The following RNASEL variants were observed in gnomAD, a reference collection of about 807,000 sequenced individuals.
The protein encoded by RNASEL is ribonuclease L.
Under a neutral mutation model 50.9 loss-of-function variants are expected in RNASEL, and 36 were observed. The observed-to-expected ratio is 0.71, with a 90% CI of 0.54 to 0.93. The LOEUF (loss-of-function observed/expected upper bound fraction) is 0.93, where lower values mean the gene tolerates loss of function less well. Ranked by LOEUF, RNASEL falls within the 40% of genes least tolerant of loss-of-function variation. The probability of loss-of-function intolerance (pLI) is 0.00; values close to 1 mark genes in which losing one functional copy is unlikely to be tolerated. For missense variants in RNASEL, 860 were observed against 894.5 expected (o/e 0.96, Z 0.49); for synonymous variants, 335 against 335.6 (o/e 1.00, Z 0.02).
chr1:182,582,276 A>G lies in RNASEL; in HGVS notation c.1567-18T>C. The G allele has an allele frequency of 1.2e-6, 2 of 1,614,002 alleles. No individual in the cohort carries two copies. The highest frequency in any genetic ancestry group is 2.2e-5 in the South Asian group (2 of 91,066). On this transcript the variant is annotated intron_variant, in intron 3 of 6. Transcript: ENST00000367559. ...CCAAGGTCCTGCACAAAAGCCATAA[A>G]TCAAGCCAAAGATGCTTACTAATTA...
At position 182,575,275 on chromosome 1, in the gene RNASEL, A is replaced by G; in HGVS notation, c.*117T>C. The G allele has an allele frequency of 1.1e-6, 1 of 945,338 alleles. No individual in the cohort carries two copies. The highest frequency in any genetic ancestry group is 1.7e-6 in the Non-Finnish European group (1 of 575,440). 58.6% of individuals were successfully genotyped at this position (945,338 alleles called of 1,614,324 possible). ...ACACGATGCCAGGGACTGACATATC[A>G]GCTATGCAACTCATCCCTCACAAGC... On this transcript the variant is annotated 3_prime_UTR_variant, in exon 7 of 7. Transcript: ENST00000367559.
rs146640810 is a variant in RNASEL at position 182,582,851 on chromosome 1, C to T, written c.1567-593G>A. On this transcript the variant is annotated intron_variant, in intron 3 of 6. Transcript: ENST00000367559. The stretch of plus-strand genomic sequence containing the variant: ...AGTCTCACCCACTGGGTTGAAAGTG[C>T]AGCACCCTGTAAAACTCTCCAGGAA... Among the ~76,000 whole-genome samples the T allele has an allele frequency of 4.3e-3, 649 of 152,306 alleles. 3 individuals carry two copies. The highest frequency in any genetic ancestry group is 6.8e-3 in the Middle Eastern group (2 of 294).
chr1:182,586,588 G>A lies in RNASEL; in HGVS notation c.219C>T (p.Asp73=), dbSNP rs1661603584. The A allele has an allele frequency of 6.2e-7, 1 of 1,605,430 alleles. No homozygotes were observed. Among genetic ancestry groups the A allele is most frequent in the South Asian group, 1.1e-5 (1 of 90,526 alleles). Residue 73 remains aspartate (D), a synonymous_variant, in exon 2 of 7, where the codon GAC becomes GAT. Transcript: ENST00000367559. ...CATGACGAAGCAGAAGTTCCACAAT[G>A]TCCTCCCTGCTCATTTGTACTGCGT... The part of the protein sequence containing the change: ...LHNAVQMSRE[D]IVELLLRHGA...
At chr1:182,584,203 C>T (rs375582220) in intron 2 of RNASEL, 37 bp from the exon 3 acceptor site, 3 of 1,317,692 alleles carry the variant, frequency 2.3e-6, no homozygotes, top group Non-Finnish European at 3.3e-6. Context: ...TGAAAATACT[C>T]ATTCTCCATA....
At chr1:182,583,981 CAT>C in intron 3 of RNASEL, 98 bp downstream of exon 3, 1 of 851,098 alleles carries the variant, frequency 1.2e-6, no homozygotes, top group East Asian at 2.4e-5. Flanking sequence ...TTCATATATA[CAT>C]ATGTCCTACT....
Position 182,585,814 on chromosome 1 carries a change from A to G in RNASEL, c.993T>C (p.Pro331=). 1 of 1,614,006 alleles carries G rather than the reference A, an allele frequency of 6.2e-7. No homozygotes were observed. Among genetic ancestry groups the G allele is most frequent in the Non-Finnish European group, 8.5e-7 (1 of 1,179,978 alleles). ...TCTGAGGCTTCCAGTCTTCAGCAGGAGGGTGAAAATCTTCTTTGGCTCCAT... is the reference window on the plus strand; with the variant it reads ...TCTGAGGCTTCCAGTCTTCAGCAGGGGGGTGAAAATCTTCTTTGGCTCCAT... ...LSHGAKEDFH[P]PAEDWKPQSS... is the part of the protein sequence containing the mutation. Residue 331 remains proline (P), a synonymous_variant, in exon 2 of 7, where the codon CCT becomes CCC. Coordinates refer to ENST00000367559, the MANE Select transcript of RNASEL (RefSeq NM_021133.4).
intron 5 of RNASEL, chr1:182,579,968 TAG>T: frequency 2.2e-6 from 1 of 457,082 alleles, no homozygotes; most frequent in Non-Finnish European, 4.4e-6. Flanking sequence ...TGGTTCTGTG[TAG>T]TTGGAAAAAT....
rs777957260 is a variant in RNASEL at position 182,586,793 on chromosome 1, T to C, written c.14A>G (p.Asp5Gly). 2 of 1,614,100 alleles carry C rather than the reference T, an allele frequency of 1.2e-6. No homozygotes were observed. The highest frequency in any genetic ancestry group is 8.5e-7 in the Non-Finnish European group (1 of 1,180,056). The change falls in exon 2 of 7, where the codon GAT becomes GGT. Residue 5 changes from aspartate to glycine, a missense_variant. By Grantham distance (94) the Asp-to-Gly change is moderately conservative (BLOSUM62 -1). Transcript: ENST00000367559. ...GGGTCCCTCCTGGGGGTTGTTATGA[T>C]CCCTGCTCTCCATGACGGTAAATGC... Reference protein sequence around the residue: MESRDHNNPQEGPTS... With the variant: MESRGHNNPQEGPTS...
chr1:182,575,481 T>C lies in RNASEL; in HGVS notation c.2137A>G (p.Arg713Gly), dbSNP rs751200163. The part of the protein sequence containing the change: ...VYTKLQNTEY[R>G]KHFPQTHSPN... ...CTGTGGGTTTGGGGGAAATGCTTTC[T>C]ATATTCTGTGTTCTGTAGTTTTGTG... Residue 713 changes from arginine to glycine, a missense_variant, in exon 7 of 7, where the codon AGA becomes GGA. By Grantham distance (125) the Arg-to-Gly change is moderately radical. Coordinates refer to ENST00000367559, the MANE Select transcript of RNASEL (RefSeq NM_021133.4). 6.2e-7 allele frequency: 1 copy of C among 1,614,128 alleles called. No individual in the cohort carries two copies. Among genetic ancestry groups the C allele is most frequent in the Admixed American group, 1.7e-5 (1 of 60,008 alleles).
rs568505094 is a variant in RNASEL, at chr1:182,581,221, A to G, written c.1905+4T>C. The G allele has an allele frequency of 8.5e-5, 138 of 1,614,148 alleles. No individual in the cohort carries two copies. The South Asian group carries it at 1.4e-3, about 16-fold the overall frequency. On this transcript the variant is annotated splice_donor_region_variant and intron_variant, in intron 5 of 6. Coordinates refer to ENST00000367559, the MANE Select transcript of RNASEL (RefSeq NM_021133.4). Reference sequence around the variant, plus strand: ...AACCCCTGCACTATAGGAATTGTTCATACCTTAGTCGTCCACTTGTCAAAA... The same window carrying G: ...AACCCCTGCACTATAGGAATTGTTCGTACCTTAGTCGTCCACTTGTCAAAA...
chr1:182,582,575 T>C (rs1324693859), intron 3 of RNASEL, among the ~76,000 whole-genome samples: 2 of 152,092 alleles, frequency 1.3e-5, no homozygotes, highest in East Asian at 1.9e-4. Flanking sequence ...AAAGGGAGAA[T>C]GCTTTAAACA....
At chr1:182,583,938 C>A (rs543572462) in intron 3 of RNASEL, 143 bp downstream of exon 3, 100 of 699,046 alleles carry the variant, frequency 1.4e-4, no homozygotes, top group Middle Eastern at 3.2e-4. Flanking sequence ...TATGTTGTGA[C>A]CGTGTGAGTC....
rs774995891 is a variant in RNASEL at position 182,586,211 on chromosome 1, T to C, written c.596A>G (p.Asp199Gly). 6.2e-7 allele frequency: 1 copy of C among 1,614,084 alleles called. No individual in the cohort carries two copies. Among genetic ancestry groups the C allele is most frequent in the Non-Finnish European group, 8.5e-7 (1 of 1,180,044 alleles). ...GATCAAGGCATTTCTGCCCATATTG[T>C]CACAGGCGTTTACATCTGCCCCCAT... ...DEMGADVNAC[D>G]NMGRNALIHA... The change falls in exon 2 of 7, where the codon GAC becomes GGC. Residue 199 changes from aspartate to glycine, a missense_variant. By Grantham distance (94) the Asp-to-Gly change is moderately conservative. Coordinates refer to ENST00000367559, the MANE Select transcript of RNASEL (RefSeq NM_021133.4).
rs1254785780 is a variant in RNASEL, at chr1:182,585,999, C to T, written c.808G>A (p.Asp270Asn). The T allele has an allele frequency of 6.2e-7, 1 of 1,614,006 alleles. No homozygotes were observed. The highest frequency in any genetic ancestry group is 2.2e-5 in the East Asian group (1 of 44,892). ...EQEHIEINDTDSDGKTALLLA... is the reference protein window; with the variant it reads ...EQEHIEINDTNSDGKTALLLA... Reference sequence around the variant, plus strand: ...AGCAGTGCTGTTTTGCCATCACTGTCTGTGTCATTAATCTCTATGTGCTCT... The same window carrying T: ...AGCAGTGCTGTTTTGCCATCACTGTTTGTGTCATTAATCTCTATGTGCTCT... The change falls in exon 2 of 7, where the codon GAC becomes AAC. Residue 270 changes from aspartate (D) to asparagine (N), a missense_variant. Physicochemically the swap from Asp to Asn is conservative, Grantham distance 23 (BLOSUM62 1). Transcript: ENST00000367559.
At chr1:182,582,920 C>T (rs1302921239) in intron 3 of RNASEL, among the ~76,000 whole-genome samples, 2 of 152,176 alleles carry the variant, frequency 1.3e-5, no homozygotes, top group African/African-American at 2.4e-5. Flanking sequence ...GGGCTTTGGT[C>T]TACAGCGGCC....
intron 5 of RNASEL, chr1:182,579,143 A>G (rs567471316): frequency 8.4e-5 from 50 of 595,212 alleles, no homozygotes; most frequent in Admixed American, 1.3e-4. Context: ...TATTCAGGTA[A>G]TGGTTACACT....
chr1:182,579,940 TC>T (rs1661458243), intron 5 of RNASEL: 2 of 458,970 alleles, frequency 4.4e-6, no homozygotes, highest in African/African-American at 4.0e-5. Context: ...CAGCTTCAAA[TC>T]CTGGTGCACC....
intron 5 of RNASEL, chr1:182,580,106 G>GAT: frequency 2.7e-6 from 1 of 375,524 alleles, no homozygotes; most frequent in Non-Finnish European, 5.3e-6. Flanking sequence ...TAATCATAAT[G>GAT]ATACTACGTA....
Position 182,585,923 on chromosome 1 carries a change from C to T in RNASEL, c.884G>A (p.Arg295His), listed in dbSNP as rs752614628. 6.8e-6 allele frequency: 11 copies of T among 1,614,152 alleles called. No homozygotes were observed. Among genetic ancestry groups the T allele is most frequent in the South Asian group, 5.5e-5 (5 of 91,078 alleles). ...ATCCCCACAATCTGTACTGGCTCCA[C>T]GTTTGCACAGCAACTCGGCGATTTT... ...LKKIAELLCK[R>H]GASTDCGDLV... The change falls in exon 2 of 7, where the codon CGT becomes CAT. Residue 295 changes from arginine to histidine, a missense_variant. Arg to His is a conservative substitution (Grantham distance 29). Transcript: ENST00000367559.
Sources: allele counts gnomAD v4.1 joint callset (sites outside exome capture counted in the v4.1 genomes callset), GRCh38; gene constraint gnomAD v4.1.1; transcripts MANE v1.5; gene names NCBI Gene and HGNC (gene_info 2026-07-23, HGNC 2026-07-21).